TSHZ2: variants seen among roughly 807,000 people sequenced by gnomAD.
The protein encoded by TSHZ2 is teashirt homolog 2.
Under a neutral mutation model 74.4 loss-of-function variants are expected in TSHZ2, and 21 were observed. The ratio of observed to expected loss-of-function variants is 0.28; its 90% CI spans 0.20 to 0.41. The LOEUF (loss-of-function observed/expected upper bound fraction) is 0.41, where lower values mean the gene tolerates loss of function less well. Among genes scored for constraint, TSHZ2 ranks in the 10% least tolerant of loss-of-function variants. The probability of loss-of-function intolerance (pLI) is 1.00; values close to 1 mark genes in which losing one functional copy is unlikely to be tolerated. For missense variants in TSHZ2, 1,244 were observed against 1,293.5 expected, an observed-to-expected ratio of 0.96 and a Z score of 0.59; for synonymous variants, 540 against 515.3, an observed-to-expected ratio of 1.05 and a Z score of -0.65.
chr20:53,231,417 C>A (rs1989821997), intron 1 of TSHZ2, among the ~76,000 whole-genome samples: 1 of 152,210 alleles, frequency 6.6e-6, no homozygotes, highest in Non-Finnish European at 1.5e-5. Flanking sequence ...CTTAGGTTAT[C>A]TACAAAGTCA....
chr20:53,041,363 C>T (rs1436357302), intron 1 of TSHZ2, among the ~76,000 whole-genome samples: 1 of 152,194 alleles, frequency 6.6e-6, no homozygotes, highest in Non-Finnish European at 1.5e-5. Context: ...TCAATAAGCC[C>T]AGATTTACTT....
intron 2 of TSHZ2, among the ~76,000 whole-genome samples, chr20:53,465,699 T>C (rs958792140): frequency 7.9e-5 from 12 of 152,172 alleles, no homozygotes; most frequent in African/African-American, 2.7e-4. Context: ...CTCAGTTTTC[T>C]GATCTCTCAA....
At chr20:53,150,585 C>T (rs1382779948) in intron 1 of TSHZ2, among the ~76,000 whole-genome samples, 1 of 150,874 alleles carries the variant, frequency 6.6e-6, no homozygotes, top group Non-Finnish European at 1.5e-5. Context: ...GTGTTGGTGG[C>T]TTCTAATCTA....
chr20:53,465,159 C>G (rs867024143), intron 2 of TSHZ2, among the ~76,000 whole-genome samples: 2 of 152,044 alleles, frequency 1.3e-5, no homozygotes, highest in East Asian at 3.8e-4. Context: ...TTTAACCTCC[C>G]GAAACTTCAT....
intron 2 of TSHZ2, among the ~76,000 whole-genome samples, chr20:53,470,670 C>A (rs1985770964): frequency 1.3e-5 from 2 of 152,068 alleles, no homozygotes; most frequent in African/African-American, 4.8e-5. Context: ...AAAAATTAGT[C>A]AGGTGTGGTG....
chr20:53,261,285 G>A lies in TSHZ2; in HGVS notation c.*8+4714G>A, dbSNP rs1210962161. ...CCAGCTATCAAACATTGCAACTCAG[G>A]GGCCCAGGACTGACCCGCAGGGTGA... On this transcript the variant is annotated intron_variant, in intron 2 of 2. Coordinates refer to ENST00000371497, the MANE Select transcript of TSHZ2 (RefSeq NM_173485.6). 2.6e-5 allele frequency among the ~76,000 whole-genome samples: 4 copies of A among 152,254 alleles called. No homozygotes were observed. The East Asian group carries it at 5.8e-4, about 22-fold the overall frequency.
intron 2 of TSHZ2, chr20:53,455,462 A>C (rs1985022762): frequency 6.6e-6 from 1 of 152,228 alleles, no homozygotes; most frequent in Non-Finnish European, 1.5e-5. Flanking sequence ...AGAGCAAAAA[A>C]TACACAAAGT....
intron 1 of TSHZ2, among the ~76,000 whole-genome samples, chr20:53,094,528 G>A (rs1985980788): frequency 6.6e-6 from 1 of 152,100 alleles, no homozygotes; most frequent in South Asian, 2.1e-4. Context: ...AGATCCTTTA[G>A]TGACTACTTC....
At chr20:52,978,456 G>A (rs1981430604) in intron 1 of TSHZ2, among the ~76,000 whole-genome samples, 1 of 152,104 alleles carries the variant, frequency 6.6e-6, no homozygotes, top group Admixed American at 6.5e-5. Flanking sequence ...GTCATGGTCT[G>A]GGAAGACTCA....
intron 1 of TSHZ2, among the ~76,000 whole-genome samples, chr20:53,067,908 G>A (rs1408848555): frequency 6.6e-6 from 1 of 152,150 alleles, no homozygotes; most frequent in Non-Finnish European, 1.5e-5. Flanking sequence ...CCCACTGAAG[G>A]CTCTGGGGAG....
chr20:53,217,371 C>T (rs923547487), intron 1 of TSHZ2, among the ~76,000 whole-genome samples: 3 of 152,056 alleles, frequency 2.0e-5, no homozygotes, highest in African/African-American at 4.8e-5. Context: ...TATTATTATT[C>T]CCATTTTAAA....
At chr20:53,348,374 T>C (rs577598279) in intron 2 of TSHZ2, among the ~76,000 whole-genome samples, 2 of 152,254 alleles carry the variant, frequency 1.3e-5, no homozygotes, top group African/African-American at 4.8e-5. Flanking sequence ...TCCTCAGTAG[T>C]GAAAATACTG....
intron 1 of TSHZ2, among the ~76,000 whole-genome samples, chr20:53,167,852 C>A (rs1031296708): frequency 6.6e-6 from 1 of 152,124 alleles, no homozygotes; most frequent in African/African-American, 2.4e-5. Context: ...ACATTAGCAC[C>A]AAATTGGAAT....
intron 2 of TSHZ2, among the ~76,000 whole-genome samples, chr20:53,369,988 T>G (rs1981409595): frequency 6.6e-6 from 1 of 152,170 alleles, no homozygotes; most frequent in South Asian, 2.1e-4. Context: ...GAAATTTTTT[T>G]TAATCTGATC....
At chr20:53,176,636 A>G (rs941136769) in intron 1 of TSHZ2, among the ~76,000 whole-genome samples, 2 of 151,674 alleles carry the variant, frequency 1.3e-5, no homozygotes, top group Non-Finnish European at 2.9e-5. Flanking sequence ...TTTAATCAAC[A>G]TTGTTATCTC....
At chr20:53,465,661 G>A (rs1390477816) in intron 2 of TSHZ2, among the ~76,000 whole-genome samples, 2 of 152,114 alleles carry the variant, frequency 1.3e-5, no homozygotes, top group African/African-American at 2.4e-5. Flanking sequence ...GGCATGTGCT[G>A]TTGGTCCTGG....
intron 2 of TSHZ2, among the ~76,000 whole-genome samples, chr20:53,387,235 A>G (rs1015983274): frequency 3.3e-5 from 5 of 152,218 alleles, no homozygotes; most frequent in African/African-American, 9.6e-5. Flanking sequence ...CGTTCACTGT[A>G]TGCAATGTAG....
At chr20:53,377,399 T>C (rs1035031864) in intron 2 of TSHZ2, among the ~76,000 whole-genome samples, 6 of 152,198 alleles carry the variant, frequency 3.9e-5, no homozygotes, top group African/African-American at 1.2e-4. Context: ...CTCGGTAGCT[T>C]GGAAGCAAGA....
chr20:53,466,513 G>A (rs1283361011), intron 2 of TSHZ2, among the ~76,000 whole-genome samples: 1 of 152,190 alleles, frequency 6.6e-6, no homozygotes, highest in Non-Finnish European at 1.5e-5. Flanking sequence ...TGGACTTTAA[G>A]CTGTCCAGGT....
Sources: gnomAD v4.1 joint callset for allele counts (sites outside exome capture counted in the v4.1 genomes callset) on GRCh38, gnomAD v4.1.1 for gene constraint, MANE v1.5 for transcripts, NCBI Gene and HGNC (gene_info 2026-07-23, HGNC 2026-07-21) for gene names.